The following DNAH1 variants were observed in gnomAD, a reference collection of about 807,000 sequenced individuals.
DNAH1 encodes the protein dynein axonemal heavy chain 1.
In DNAH1, 327 loss-of-function variants were observed where a neutral mutation model predicts 484.3. The ratio of observed to expected loss-of-function variants is 0.68; its 90% CI spans 0.62 to 0.74. The LOEUF (loss-of-function observed/expected upper bound fraction) is 0.74. DNAH1 is among the 30% of genes least tolerant of loss of function. DNAH1 has a pLI of 0.00. For synonymous variants in DNAH1, 2,192 were observed against 2,191.9 expected (o/e 1.00, Z 0.00); for missense variants, 5,052 against 5,546.8 (o/e 0.91, Z 2.83).
In DNAH1 at chr3:52,397,004, C is replaced by T. The variant is rs865863148; in HGVS notation, c.11747C>T (p.Ser3916Leu). 7.5e-6 allele frequency: 12 copies of T among 1,610,710 alleles called. No individual in the cohort carries two copies. Among genetic ancestry groups the T allele is most frequent in the South Asian group, 1.1e-5 (1 of 90,714 alleles). The part of the protein sequence containing the change: ...VLSPEHSYSA[S>L]GIYHQIPPTY... The stretch of plus-strand genomic sequence containing the variant: ...TCCCCTGAGCACAGCTACAGCGCCT[C>T]GGGCATCTACCACCAGATCCCGCCT... Residue 3916 changes from serine to leucine, a missense_variant, in exon 73 of 78, where the codon TCG (serine) becomes TTG (leucine). Around this residue, in one of 4 missense-constraint regions of DNAH1, gnomAD observed 853 missense variants for 899.0 expected, o/e 0.95. Transcript: ENST00000420323.
At position 52,370,757 on chromosome 3, in the gene DNAH1, T is replaced by G; in HGVS notation, c.6457T>G (p.Tyr2153Asp). ...LFPEEGLVFDYRLEDAGISGT... is the reference protein window; with the variant it reads ...LFPEEGLVFDDRLEDAGISGT... ...CCCAGAAGAGGGGCTGGTGTTCGAT[T>G]ACAGGCTGGAGGACGCGGGCATCAG... Residue 2153 changes from tyrosine (Y) to aspartate (D), a missense_variant, in exon 41 of 78, where the codon TAC becomes GAC. Coordinates refer to ENST00000420323, the MANE Select transcript of DNAH1 (RefSeq NM_015512.5). 1 of 1,608,358 alleles carries G rather than the reference T, an allele frequency of 6.2e-7. No individual in the cohort carries two copies. The highest frequency in any genetic ancestry group is 8.5e-7 in the Non-Finnish European group (1 of 1,177,690).
rs922347793 is a variant in DNAH1 at position 52,370,638 on chromosome 3, G to C, written c.6417+3G>C. 6.2e-7 allele frequency: 1 copy of C among 1,608,022 alleles called. No homozygotes were observed. The highest frequency in any genetic ancestry group is 1.1e-5 in the South Asian group (1 of 89,972). On this transcript the variant is annotated splice_donor_region_variant and intron_variant, in intron 40 of 77. Transcript: ENST00000420323. ...GGCTCAAGATGGAGAACGAACAGGT[G>C]AGAGCCGGCGGCCCCCAGGGACCAG...
chr3:52,333,060 T>A (rs1423075730), intron 8 of DNAH1, among the ~76,000 whole-genome samples: 1 of 152,120 alleles, frequency 6.6e-6, no homozygotes, highest in Non-Finnish European at 1.5e-5. Flanking sequence ...CTAATTTTGT[T>A]ATTTTTTGTA....
Position 52,395,179 on chromosome 3 carries a change from A to C in DNAH1, c.10968+120A>C. 1 of 1,491,802 alleles carries C rather than the reference A, an allele frequency of 6.7e-7. No individual in the cohort carries two copies. The highest frequency in any genetic ancestry group is 9.0e-7 in the Non-Finnish European group (1 of 1,111,370). 92.4% of individuals were successfully genotyped at this position (1,491,802 alleles called of 1,614,324 possible). ...GGCCAGGACCCCTGCTTGCTCCCTA[A>C]AGGCTCTGAGGTTCCAGCCCCCACC... is the stretch of plus-strand genomic sequence containing the variant. On this transcript the variant is annotated intron_variant, in intron 68 of 77. Transcript: ENST00000420323. The surrounding 1 kb of genome is among the most constrained non-coding windows in gnomAD (Gnocchi z 4.4).
In DNAH1 at chr3:52,358,433, G is replaced by T. The variant is rs535732483; in HGVS notation, c.4087-125G>T. Reference sequence around the variant, plus strand: ...CCCAGCCAAGATAGACTCTCGGGGGGACGGGAAGGCAGGGCTTTCTTCTTG... The same window carrying T: ...CCCAGCCAAGATAGACTCTCGGGGGTACGGGAAGGCAGGGCTTTCTTCTTG... On this transcript the variant is annotated intron_variant, in intron 24 of 77. Transcript: ENST00000420323. This position sits in a 1 kb window ranked among gnomAD's most constrained non-coding sequence, Gnocchi z 4.2. 9.5e-7 allele frequency: 1 copy of T among 1,057,722 alleles called. No homozygotes were observed. Among genetic ancestry groups the T allele is most frequent in the Non-Finnish European group, 1.3e-6 (1 of 750,530 alleles). The allele number at this position is 1,057,722 out of a possible 1,614,324, so 65.5% of individuals were successfully genotyped here.
chr3:52,375,693 A>G (rs1392910858), intron 45 of DNAH1, among the ~76,000 whole-genome samples: 3 of 152,186 alleles, frequency 2.0e-5, no homozygotes, highest in Admixed American at 6.5e-5. Flanking sequence ...TGCTGGATGT[A>G]TGATGCACAC....
In DNAH1 at chr3:52,385,345, C is replaced by T. The variant is rs1401981139; in HGVS notation, c.8523C>T (p.Arg2841=). ...TCTGCCCTGACCCCTAGCTGCTGCG[C>T]ACTTCTGAGGATGTAGCCAAGATGC... ...RMKSGLDKLL[R]TSEDVAKMQE... Residue 2841 remains arginine (R), a synonymous_variant, in exon 54 of 78, where the codon CGC becomes CGT. Transcript: ENST00000420323. The T allele has an allele frequency of 1.3e-6, 2 of 1,552,312 alleles. No homozygotes were observed. The highest frequency in any genetic ancestry group is 1.2e-5 in the South Asian group (1 of 84,078).
intron 10 of DNAH1, 138 bp downstream of exon 10, chr3:52,345,844 C>G (rs1702120767): frequency 1.1e-6 from 1 of 905,250 alleles, no homozygotes; most frequent in Non-Finnish European, 1.7e-6. Flanking sequence ...TTCTCAAAAC[C>G]TGGCCTCAGC....
rs201613111 is a variant in DNAH1 at position 52,372,387 on chromosome 3, G to A, written c.6827G>A (p.Arg2276Lys). Reference sequence around the variant, plus strand: ...TTCATTGACAGCAAGCTGGACAAGAGGCAGGGCACCCCTCCCTCCTTCCTC... The same window carrying A: ...TTCATTGACAGCAAGCTGGACAAGAAGCAGGGCACCCCTCCCTCCTTCCTC... Reference protein sequence around the residue: ...QDFIDSKLDKRRKGVFGPPLG... With the variant: ...QDFIDSKLDKKRKGVFGPPLG... The change falls in exon 43 of 78, where the codon AGG becomes AAG. Residue 2276 changes from arginine (R) to lysine (K), a missense_variant and splice_region_variant. Transcript: ENST00000420323. 26 of 1,613,328 alleles carry A rather than the reference G, an allele frequency of 1.6e-5. No individual in the cohort carries two copies. Among genetic ancestry groups the A allele is most frequent in the Non-Finnish European group, 1.9e-5 (23 of 1,179,880 alleles).
At chr3:52,396,321 G>T (rs1163118368) in intron 70 of DNAH1, 47 bp from the exon 71 acceptor site, 2 of 1,534,442 alleles carry the variant, frequency 1.3e-6, no homozygotes, top group African/African-American at 2.7e-5. Context: ...TGTCAGGGTG[G>T]CCACCAGATA....
chr3:52,352,963 C>A, intron 18 of DNAH1, 140 bp from the exon 19 acceptor site: 1 of 1,005,824 alleles, frequency 9.9e-7, no homozygotes, highest in Non-Finnish European at 1.4e-6. Flanking sequence ...GGAGGCCAGG[C>A]CCAGGTGTTT....
intron 32 of DNAH1, 112 bp downstream of exon 32, chr3:52,363,256 C>T: frequency 7.2e-7 from 1 of 1,381,404 alleles, no homozygotes; most frequent in Non-Finnish European, 9.8e-7. Flanking sequence ...CAGGCATTAC[C>T]TTGTCGGCTT....
intron 63 of DNAH1, among the ~76,000 whole-genome samples, chr3:52,392,057 C>T (rs1333991449): frequency 6.6e-6 from 1 of 152,244 alleles, no homozygotes; most frequent in Non-Finnish European, 1.5e-5. Context: ...ACACAGCCCA[C>T]AGCCCATAGG....
At chr3:52,384,127 C>A in intron 52 of DNAH1, 96 bp downstream of exon 52, 2 of 1,280,008 alleles carry the variant, frequency 1.6e-6, no homozygotes, top group Non-Finnish European at 2.1e-6. Flanking sequence ...TTCCCAGGCC[C>A]ACCACCGAGG....
At chr3:52,348,210 T>G (rs1015448075) in intron 12 of DNAH1, among the ~76,000 whole-genome samples, 3 of 152,200 alleles carry the variant, frequency 2.0e-5, no homozygotes. Context: ...AGCCTAAGAT[T>G]GTGTAGCTGC....
rs748721725 is a variant in DNAH1 at position 52,391,221 on chromosome 3, G to A, written c.9784G>A (p.Asp3262Asn). Reference sequence around the variant, plus strand: ...GGATGTGTTCAAGTTGAGTGACCGCGACTTCCTGCGCAGCATGGAGAACGC... The same window carrying A: ...GGATGTGTTCAAGTTGAGTGACCGCAACTTCCTGCGCAGCATGGAGAACGC... ...GLDVFKLSDRDFLRSMENAIR... is the reference protein window; with the variant it reads ...GLDVFKLSDRNFLRSMENAIR... The change falls in exon 62 of 78, where the codon GAC becomes AAC. Residue 3262 changes from aspartate (D) to asparagine (N), a missense_variant. Coordinates refer to ENST00000420323, the MANE Select transcript of DNAH1 (RefSeq NM_015512.5). 9 of 1,613,890 alleles carry A rather than the reference G, an allele frequency of 5.6e-6. No homozygotes were observed. The highest frequency in any genetic ancestry group is 1.1e-5 in the South Asian group (1 of 91,050).
chr3:52,332,528 C>T (rs1701596284), intron 8 of DNAH1, 134 bp downstream of exon 8: 3 of 1,349,822 alleles, frequency 2.2e-6, no homozygotes, highest in Admixed American at 5.3e-5. Context: ...CTATTGCCCT[C>T]TGGACTTGTT....
chr3:52,378,778 G>A lies in DNAH1; in HGVS notation c.7375G>A (p.Glu2459Lys), dbSNP rs201064587. Residue 2459 changes from glutamate to lysine, a missense_variant and splice_region_variant, in exon 47 of 78, where the codon GAG becomes AAG. This residue lies in a region of DNAH1 where 2,929 missense variants were observed against 3,409.4 expected (regional missense o/e 0.86). Transcript: ENST00000420323. The part of the protein sequence containing the change: ...GMLMADPAKV[E>K]DQVQLLRLWY... ...GCTCATGGCTGACCCGGCCAAGGTC[G>A]AGGTGAGGACCAGGCAGGCACCCTC... The A allele has an allele frequency of 1.9e-3, 3,024 of 1,613,500 alleles. 17 individuals are homozygous for A. Among genetic ancestry groups the A allele is most frequent in the Non-Finnish European group, 1.9e-3 (2,244 of 1,179,844 alleles).
In DNAH1 at chr3:52,368,297, C is replaced by T. The variant is rs1385117302; in HGVS notation, c.5766-444C>T. Among the ~76,000 whole-genome samples, 1 of 152,196 alleles carries T rather than the reference C, an allele frequency of 6.6e-6. No homozygotes were observed. The highest frequency in any genetic ancestry group is 1.5e-5 in the Non-Finnish European group (1 of 68,028). ...CCGGAGCCTAAGGCTGGACCAAGCA[C>T]AGCATCTTCATCAGCCCTACCAGCC... is the stretch of plus-strand genomic sequence containing the variant. On this transcript the variant is annotated intron_variant, in intron 36 of 77. Coordinates refer to ENST00000420323, the MANE Select transcript of DNAH1 (RefSeq NM_015512.5). This position sits in a 1 kb window ranked among gnomAD's most constrained non-coding sequence, Gnocchi z 4.4.
Sources: allele counts gnomAD v4.1 joint callset (sites outside exome capture counted in the v4.1 genomes callset), GRCh38; gene constraint gnomAD v4.1.1; regional missense constraint gnomAD v4.1.1; non-coding constraint Gnocchi (gnomAD v3.1); transcripts MANE v1.5; gene names NCBI Gene and HGNC (gene_info 2026-07-23, HGNC 2026-07-21).